The following C4BPA variants were observed in gnomAD, a reference collection of about 807,000 sequenced individuals.
The protein encoded by C4BPA is complement component 4 binding protein alpha, also known as C4b-binding protein alpha chain.
A neutral mutation model predicts 63.7 loss-of-function variants in C4BPA; 31 were observed. The observed-to-expected ratio is 0.49, with a 90% confidence interval of 0.37 to 0.66. The LOEUF is 0.66. Among genes scored for constraint, C4BPA ranks in the 30% least tolerant of loss-of-function variants. The pLI is 0.00. For missense variants in C4BPA, 572 were observed against 723.3 expected, an observed-to-expected ratio of 0.79 and a Z score of 2.40; for synonymous variants, 259 against 254.7, an observed-to-expected ratio of 1.02 and a Z score of -0.16.
chr1:207,141,736 G>A (rs893121652), intron 10 of C4BPA, among the ~76,000 whole-genome samples: 4 of 152,120 alleles, frequency 2.6e-5, no homozygotes, highest in Admixed American at 2.6e-4. Flanking sequence ...GGTGTGAGGG[G>A]TCAGGGAGGG....
chr1:207,115,684 A>C (rs932735592), intron 4 of C4BPA, among the ~76,000 whole-genome samples, 169 bp downstream of exon 4: 1 of 152,174 alleles, frequency 6.6e-6, no homozygotes, highest in Non-Finnish European at 1.5e-5. Context: ...GCAAAGATCT[A>C]TTTTTATTGG....
intron 10 of C4BPA, among the ~76,000 whole-genome samples, chr1:207,142,936 C>T (rs2102369586): frequency 6.6e-6 from 1 of 152,142 alleles, no homozygotes; most frequent in Non-Finnish European, 1.5e-5. Flanking sequence ...GGCGATTCCT[C>T]AAGGATCTAG....
chr1:207,134,677 TA>T (rs1685241391), intron 9 of C4BPA, 85 bp downstream of exon 9: 7 of 971,952 alleles, frequency 7.2e-6, no homozygotes, highest in Non-Finnish European at 1.1e-5. Flanking sequence ...TAAAATTAGG[TA>T]AAAAAATTCA....
chr1:207,137,860 C>T (rs552090278), intron 9 of C4BPA, among the ~76,000 whole-genome samples: 84 of 152,266 alleles, frequency 5.5e-4, no homozygotes, highest in African/African-American at 1.9e-3. Flanking sequence ...TGAAGTGATC[C>T]GCCCACCTCG....
At chr1:207,140,727 T>C (rs1270137252) in intron 9 of C4BPA, among the ~76,000 whole-genome samples, 3 of 152,238 alleles carry the variant, frequency 2.0e-5, no homozygotes. Context: ...TTGTGGATGA[T>C]ATAACATCCT....
At chr1:207,120,696 G>C (rs1684904438) in intron 4 of C4BPA, among the ~76,000 whole-genome samples, 1 of 152,176 alleles carries the variant, frequency 6.6e-6, no homozygotes. Flanking sequence ...AAAATTTACA[G>C]TTGTTTTATG....
At position 207,134,463 on chromosome 1, in the gene C4BPA, C is replaced by G; in HGVS notation, c.1144C>G (p.Arg382Gly). The part of the protein sequence containing the change: ...NGEITQHRKS[R>G]PANHCVYFYG... ...TGAAATCACTCAACACAGGAAAAGT[C>G]GTCCTGCCAATCACTGTGTTTATTT... The change falls in exon 9 of 12, where the codon CGT (arginine) becomes GGT (glycine). Residue 382 changes from arginine (R) to glycine (G), a missense_variant. This residue lies in a region of C4BPA where 465 missense variants were observed against 629.4 expected (regional missense o/e 0.74). Coordinates refer to ENST00000367070, the MANE Select transcript of C4BPA (RefSeq NM_000715.4). 6.2e-7 allele frequency: 1 copy of G among 1,613,728 alleles called. No individual in the cohort carries two copies.
chr1:207,118,389 T>C (rs1468458897), intron 4 of C4BPA, among the ~76,000 whole-genome samples: 1 of 152,178 alleles, frequency 6.6e-6, no homozygotes, highest in Non-Finnish European at 1.5e-5. Flanking sequence ...TTTAATTTAC[T>C]CACAGTTCCA....
Position 207,134,390 on chromosome 1 carries a change from A to G in C4BPA, c.1085-14A>G. ...TGATTTTACTAACCATGCACCTCACATTTTATTTTTCAGCGTTATGTTGCC... is the reference window on the plus strand; with the variant it reads ...TGATTTTACTAACCATGCACCTCACGTTTTATTTTTCAGCGTTATGTTGCC... On this transcript the variant is annotated splice_polypyrimidine_tract_variant and intron_variant, in intron 8 of 11. Transcript: ENST00000367070. The G allele has an allele frequency of 6.2e-7, 1 of 1,602,436 alleles. No individual in the cohort carries two copies. Among genetic ancestry groups the G allele is most frequent in the Non-Finnish European group, 8.5e-7 (1 of 1,172,662 alleles).
At chr1:207,113,244 A>T in intron 2 of C4BPA, 77 bp downstream of exon 2, 1 of 1,480,690 alleles carries the variant, frequency 6.8e-7, no homozygotes, top group Non-Finnish European at 9.2e-7. Context: ...AGGCTAAAAA[A>T]AATGATGACT....
At position 207,131,555 on chromosome 1, in the gene C4BPA, T is replaced by C. The variant is rs4844573; in HGVS notation, c.899T>C (p.Ile300Thr). The C allele has an allele frequency of 0.37, 598,827 of 1,602,050 alleles. 119,930 individuals are homozygous for C. Among genetic ancestry groups the C allele is most frequent in the African/African-American group, 0.77 (57,244 of 74,520 alleles). Residue 300 changes from isoleucine to threonine, a missense_variant, in exon 8 of 12, where the codon ATT becomes ACT. Ile to Thr is a moderately conservative substitution (Grantham distance 89). This residue lies in a region of C4BPA where 465 missense variants were observed against 629.4 expected (regional missense o/e 0.74). Coordinates refer to ENST00000367070, the MANE Select transcript of C4BPA (RefSeq NM_000715.4). ...CTTCTTTCATGAGTAGATAGTTGTATTAATTTACCAGACATTCCACATGCT... is the reference window on the plus strand; with the variant it reads ...CTTCTTTCATGAGTAGATAGTTGTACTAATTTACCAGACATTCCACATGCT... ...SPPACEPNSC[I>T]NLPDIPHASW...
At chr1:207,110,798 A>G (rs1470026852) in intron 1 of C4BPA, among the ~76,000 whole-genome samples, 1 of 152,232 alleles carries the variant, frequency 6.6e-6, no homozygotes, top group Admixed American at 6.5e-5. Context: ...TTGTAAATAT[A>G]GTCATGAATA....
chr1:207,137,719 G>C (rs2102360773), intron 9 of C4BPA, among the ~76,000 whole-genome samples: 1 of 152,302 alleles, frequency 6.6e-6, no homozygotes, highest in African/African-American at 2.4e-5. Context: ...CTGGGTTCAA[G>C]AGATTCTTGT....
At chr1:207,119,017 G>GGAATTC (rs1251641887) in intron 4 of C4BPA, among the ~76,000 whole-genome samples, 5 of 115,486 alleles carry the variant, frequency 4.3e-5, no homozygotes, top group South Asian at 3.5e-4. Flanking sequence ...GACATGAACT[G>GGAATTC]AGTGCTTCAA....
chr1:207,123,863 CTTTAA>C lies in C4BPA; in HGVS notation c.429-49_429-45del. On this transcript the variant is annotated intron_variant, in intron 4 of 11. Coordinates refer to ENST00000367070, the MANE Select transcript of C4BPA (RefSeq NM_000715.4). ...GTAACAATTCTATTTGCTCAGACCT[CTTTAA>C]TTTAATTTAGGGTAGGAGGAATTCC... The C allele has an allele frequency of 9.4e-6, 9 of 959,150 alleles. No homozygotes were observed. The Admixed American group carries it at 1.4e-4, about 15-fold the overall frequency. The allele number at this position is 959,150 out of a possible 1,614,324, so 59.4% of individuals were successfully genotyped here.
rs1401196584 is a variant in C4BPA at position 207,144,558 on chromosome 1, C to T, written c.1635C>T (p.Gly545=). Residue 545 remains glycine (G), a synonymous_variant, in exon 12 of 12, where the codon GGC becomes GGT. Coordinates refer to ENST00000367070, the MANE Select transcript of C4BPA (RefSeq NM_000715.4). ...VPKCEWETPE[G]CEQVLTGKRL... ...ATATCTTTTAGGAGACCCCCGAAGG[C>T]TGTGAACAAGTGCTCACAGGCAAAA... The T allele has an allele frequency of 1.9e-6, 3 of 1,610,906 alleles. No homozygotes were observed. Among genetic ancestry groups the T allele is most frequent in the African/African-American group, 2.7e-5 (2 of 74,872 alleles).
chr1:207,104,593 G>A (rs1023065503), intron 1 of C4BPA, among the ~76,000 whole-genome samples, 163 bp downstream of exon 1: 3 of 152,170 alleles, frequency 2.0e-5, no homozygotes, highest in Non-Finnish European at 4.4e-5. Flanking sequence ...TAAGACTTGA[G>A]ACGTACTTTA....
chr1:207,130,992 T>C (rs774799293), intron 7 of C4BPA, among the ~76,000 whole-genome samples: 1 of 152,260 alleles, frequency 6.6e-6, no homozygotes, highest in African/African-American at 2.4e-5. Context: ...AGAACTTTTA[T>C]ATTCCATTTC....
chr1:207,109,203 C>T (rs923635966), intron 1 of C4BPA, among the ~76,000 whole-genome samples: 1 of 152,182 alleles, frequency 6.6e-6, no homozygotes, highest in Non-Finnish European at 1.5e-5. Context: ...AGATCCAGGG[C>T]TTCTAGCCGG....
Sources: gnomAD v4.1 joint callset for allele counts (sites outside exome capture counted in the v4.1 genomes callset) on GRCh38, gnomAD v4.1.1 for gene constraint, gnomAD v4.1.1 regional missense constraint, MANE v1.5 for transcripts, NCBI Gene and HGNC (gene_info 2026-07-23, HGNC 2026-07-21) for gene names.